GNAO1: variants seen among roughly 807,000 people sequenced by gnomAD.
GNAO1 encodes guanine nucleotide-binding protein G(o) subunit alpha.
For missense variants in GNAO1, 166 were observed against 478.7 expected, an observed-to-expected ratio of 0.35 and a Z score of 6.10; for synonymous variants, 164 against 180.7, an observed-to-expected ratio of 0.91 and a Z score of 0.74.
chr16:56,256,874 A>G (rs1479121844), intron 2 of GNAO1, among the ~76,000 whole-genome samples: 2 of 152,084 alleles, frequency 1.3e-5, no homozygotes, highest in Non-Finnish European at 2.9e-5. Flanking sequence ...TTCCAGAATC[A>G]TATACTCCAG....
chr16:56,277,931 T>G (rs1341519431), intron 3 of GNAO1, among the ~76,000 whole-genome samples: 4 of 152,000 alleles, frequency 2.6e-5, no homozygotes, highest in African/African-American at 9.7e-5. Context: ...CCCAGCAAAG[T>G]CAGTGTGGCT....
intron 2 of GNAO1, among the ~76,000 whole-genome samples, chr16:56,241,852 G>T (rs2036697013): frequency 6.6e-6 from 1 of 152,246 alleles, no homozygotes; most frequent in Non-Finnish European, 1.5e-5. Flanking sequence ...CCAGTTACGA[G>T]CCTGTGGGAG....
rs981002186 is a variant in GNAO1 at position 56,355,041 on chromosome 16, C to T, written c.1053C>T (p.Cys351=). 2.5e-6 allele frequency: 4 copies of T among 1,610,736 alleles called. No homozygotes were observed. The highest frequency in any genetic ancestry group is 3.4e-6 in the Non-Finnish European group (4 of 1,177,594). The stretch of plus-strand genomic sequence containing the variant: ...TCATTGCCAACAACCTCCGGGGCTG[C>T]GGCTTGTACTGACCTCTTGTCCTGT... ...DIIIANNLRG[C]GLY Residue 351 remains cysteine (C), a synonymous_variant, in exon 8 of 9, where the codon TGC becomes TGT. Coordinates refer to ENST00000262493, the MANE Select transcript of GNAO1 (RefSeq NM_020988.3).
At chr16:56,276,941 A>C (rs1184966056) in intron 3 of GNAO1, 2 of 152,172 alleles carry the variant, frequency 1.3e-5, no homozygotes, top group Non-Finnish European at 2.9e-5. Context: ...GAGAGCATTC[A>C]TCTCTGATTG....
chr16:56,294,602 A>G (rs2037266002), intron 3 of GNAO1, among the ~76,000 whole-genome samples: 1 of 152,128 alleles, frequency 6.6e-6, no homozygotes, highest in Admixed American at 6.5e-5. Context: ...TTGTGGGGAC[A>G]TATGTTTTCA....
intron 2 of GNAO1, among the ~76,000 whole-genome samples, chr16:56,209,506 A>T (rs1316329894): frequency 6.6e-6 from 1 of 152,152 alleles, no homozygotes; most frequent in South Asian, 2.1e-4. Flanking sequence ...ACACATCCCT[A>T]TTAGGATATT....
At chr16:56,329,107 G>A in intron 4 of GNAO1, 1 of 244,488 alleles carries the variant, frequency 4.1e-6, no homozygotes. Flanking sequence ...GCTTTCAAGT[G>A]TAGCAGCTTT....
chr16:56,228,883 A>G (rs774837800), intron 2 of GNAO1, among the ~76,000 whole-genome samples: 1 of 152,228 alleles, frequency 6.6e-6, no homozygotes, highest in African/African-American at 2.4e-5. Context: ...ACTGACGTGT[A>G]TATATAGATA....
Position 56,287,124 on chromosome 16 carries a change from G to C in GNAO1, c.303+11052G>C, listed in dbSNP as rs554290068. On this transcript the variant is annotated intron_variant, in intron 3 of 8. Coordinates refer to ENST00000262493, the MANE Select transcript of GNAO1 (RefSeq NM_020988.3). ...AGGACACATGGGTGCACAGCCCCCA[G>C]CCCACCACTGACCAATGGTCTCGCC... Among the ~76,000 whole-genome samples the C allele has an allele frequency of 2.6e-5, 4 of 152,332 alleles. No individual in the cohort carries two copies. The East Asian group carries it at 7.7e-4, about 29-fold the overall frequency.
intron 2 of GNAO1, among the ~76,000 whole-genome samples, chr16:56,195,425 C>A (rs2036223939): frequency 6.6e-6 from 1 of 152,196 alleles, no homozygotes; most frequent in African/African-American, 2.4e-5. Flanking sequence ...ATCCTAGTAA[C>A]AAATTTTTTT....
At chr16:56,281,616 C>CG (rs2037115335) in intron 3 of GNAO1, among the ~76,000 whole-genome samples, 2 of 152,034 alleles carry the variant, frequency 1.3e-5, no homozygotes, top group Non-Finnish European at 2.9e-5. Context: ...CCCTCTCTCC[C>CG]TCCCTTCCTC....
rs925473225 is a variant in GNAO1, at chr16:56,354,759, C to G, written c.878-107C>G. The G allele has an allele frequency of 1.5e-6, 1 of 659,662 alleles. No individual in the cohort carries two copies. The highest frequency in any genetic ancestry group is 1.8e-5 in the African/African-American group (1 of 55,022). The allele number at this position is 659,662 out of a possible 1,614,324, so 40.9% of individuals were successfully genotyped here. A position where few individuals can be genotyped will look rare whatever the true frequency, so the allele number is the denominator to read the frequency against. On this transcript the variant is annotated intron_variant, in intron 7 of 8. Transcript: ENST00000262493. The surrounding 1 kb of genome is among the most constrained non-coding windows in gnomAD (Gnocchi z 4.3). ...CTACTGCTCCCTTCCTGTCTCATCCCACTTCCTGGGACACGCCACAACCCA... is the reference window on the plus strand; with the variant it reads ...CTACTGCTCCCTTCCTGTCTCATCCGACTTCCTGGGACACGCCACAACCCA...
intron 2 of GNAO1, among the ~76,000 whole-genome samples, chr16:56,263,842 G>A: frequency 6.6e-6 from 1 of 152,202 alleles, no homozygotes; most frequent in South Asian, 2.1e-4. Flanking sequence ...AAGAGGCTGG[G>A]CAATATACAT....
At chr16:56,219,084 G>A (rs2036461369) in intron 2 of GNAO1, among the ~76,000 whole-genome samples, 1 of 152,140 alleles carries the variant, frequency 6.6e-6, no homozygotes, top group Admixed American at 6.5e-5. Flanking sequence ...ATTGTGGAAA[G>A]AAGCCATTGC....
intron 3 of GNAO1, among the ~76,000 whole-genome samples, chr16:56,278,318 G>T (rs1431717210): frequency 6.6e-6 from 1 of 152,228 alleles, no homozygotes; most frequent in Non-Finnish European, 1.5e-5. Flanking sequence ...TGTCTGGTGT[G>T]AGCTTCCTGG....
Position 56,191,698 on chromosome 16 carries a change from C to T in GNAO1, c.-538C>T. 6.4e-6 allele frequency: 1 copy of T among 156,800 alleles called. No homozygotes were observed. The highest frequency in any genetic ancestry group is 1.4e-5 in the Non-Finnish European group (1 of 70,684). 9.7% of individuals were successfully genotyped at this position (156,800 alleles called of 1,614,324 possible). A position where few individuals can be genotyped will look rare whatever the true frequency, so the allele number is the denominator to read the frequency against. ...CGCGGACGCACCGACGGCTGAAGAG[C>T]GGCGATGCACATGCACTAGCAGCAC... On this transcript the variant is annotated 5_prime_UTR_variant, in exon 1 of 9. Coordinates refer to ENST00000262493, the MANE Select transcript of GNAO1 (RefSeq NM_020988.3). This position sits in a 1 kb window ranked among gnomAD's most constrained non-coding sequence, Gnocchi z 4.7.
chr16:56,310,678 T>C (rs2037448168), intron 3 of GNAO1, among the ~76,000 whole-genome samples: 1 of 152,102 alleles, frequency 6.6e-6, no homozygotes, highest in East Asian at 1.9e-4. Flanking sequence ...AGATGTCAAA[T>C]AGGGAACAAA....
chr16:56,257,392 T>A (rs942355012), intron 2 of GNAO1, among the ~76,000 whole-genome samples: 6 of 152,178 alleles, frequency 3.9e-5, no homozygotes, highest in African/African-American at 1.4e-4. Flanking sequence ...AGGAGGTTTG[T>A]TTCCCATCAC....
At chr16:56,205,916 C>G (rs1376110541) in intron 2 of GNAO1, among the ~76,000 whole-genome samples, 1 of 152,072 alleles carries the variant, frequency 6.6e-6, no homozygotes, top group African/African-American at 2.4e-5. Flanking sequence ...CAGGAAAGAT[C>G]TGAGGAAGAG....
Sources: gnomAD v4.1 joint callset for allele counts (sites outside exome capture counted in the v4.1 genomes callset) on GRCh38, gnomAD v4.1.1 for gene constraint, Gnocchi (gnomAD v3.1) non-coding constraint, MANE v1.5 for transcripts, NCBI Gene and HGNC (gene_info 2026-07-23, HGNC 2026-07-21) for gene names.